FLI1: variants seen among roughly 807,000 people sequenced by gnomAD.
The protein encoded by FLI1 is Fli-1 proto-oncogene, ETS transcription factor.
FLI1 carries 13 observed loss-of-function variants against 53.1 expected under a neutral mutation model. The ratio of observed to expected loss-of-function variants is 0.24; its 90% CI spans 0.16 to 0.39. FLI1 has a LOEUF of 0.39. Among genes scored for constraint, FLI1 ranks in the 10% least tolerant of loss-of-function variants. The pLI is 1.00. For missense variants in FLI1, 424 were observed against 600.5 expected (o/e 0.71, Z 3.07); for synonymous variants, 244 against 236.7 (o/e 1.03, Z -0.28).
chr11:128,696,254 G>A (rs1222560869), intron 1 of FLI1, among the ~76,000 whole-genome samples: 1 of 152,146 alleles, frequency 6.6e-6, no homozygotes, highest in East Asian at 1.9e-4. Context: ...TAAGTTACCT[G>A]GCTAGGCTGA....
chr11:128,731,196 C>T (rs1048962642), intron 1 of FLI1, among the ~76,000 whole-genome samples: 3 of 152,246 alleles, frequency 2.0e-5, no homozygotes, highest in Admixed American at 6.5e-5. Context: ...ATAAGCCACA[C>T]GGTGACATGT....
chr11:128,787,958 C>T (rs981940100), intron 5 of FLI1, among the ~76,000 whole-genome samples: 2 of 151,810 alleles, frequency 1.3e-5, no homozygotes, highest in South Asian at 2.1e-4. Context: ...AGGTGCCCGC[C>T]ACCACGCCCA....
chr11:128,760,854 C>T (rs1941089120), intron 2 of FLI1, among the ~76,000 whole-genome samples: 1 of 152,072 alleles, frequency 6.6e-6, no homozygotes, highest in African/African-American at 2.4e-5. Context: ...CCTGTTGTAA[C>T]CTGAATCTGC....
chr11:128,715,007 C>T (rs1938953004), intron 1 of FLI1, among the ~76,000 whole-genome samples: 1 of 152,092 alleles, frequency 6.6e-6, no homozygotes, highest in Non-Finnish European at 1.5e-5. Context: ...GCACCCGGCC[C>T]TTGAAGGCAT....
At chr11:128,762,698 C>T (rs1941168967) in intron 2 of FLI1, among the ~76,000 whole-genome samples, 1 of 152,200 alleles carries the variant, frequency 6.6e-6, no homozygotes, top group Non-Finnish European at 1.5e-5. Flanking sequence ...TGGCTCATGC[C>T]TGTAATCCCA....
chr11:128,760,385 C>G (rs1941059299), intron 2 of FLI1, among the ~76,000 whole-genome samples: 1 of 152,028 alleles, frequency 6.6e-6, no homozygotes, highest in Non-Finnish European at 1.5e-5. Flanking sequence ...GTGTGTCATG[C>G]TTTTGCACCA....
intron 5 of FLI1, among the ~76,000 whole-genome samples, chr11:128,799,040 A>ATTTTTT (rs1360505352): frequency 4.6e-5 from 6 of 131,450 alleles, no homozygotes; most frequent in African/African-American, 1.1e-4. Flanking sequence ...TATTATTATT[A>ATTTTTT]TTATTATTAT....
chr11:128,800,110 T>C (rs968765742), intron 5 of FLI1, among the ~76,000 whole-genome samples: 1 of 152,152 alleles, frequency 6.6e-6, no homozygotes, highest in Non-Finnish European at 1.5e-5. Flanking sequence ...TGAGCATTTC[T>C]CCTGTGCATC....
At chr11:128,792,686 C>T (rs2135888940) in intron 5 of FLI1, among the ~76,000 whole-genome samples, 1 of 151,954 alleles carries the variant, frequency 6.6e-6, no homozygotes, top group East Asian at 1.9e-4. Context: ...CATTGTTATG[C>T]TTTATAATTT....
intron 5 of FLI1, among the ~76,000 whole-genome samples, chr11:128,791,681 G>A (rs1288735516): frequency 6.6e-6 from 1 of 152,226 alleles, no homozygotes; most frequent in Non-Finnish European, 1.5e-5. Context: ...AGCTGCTGGT[G>A]TGGCATTGCC....
chr11:128,758,061 C>T, intron 1 of FLI1, 54 bp from the exon 2 acceptor site: 6 of 1,506,188 alleles, frequency 4.0e-6, no homozygotes, highest in Non-Finnish European at 5.4e-6. Context: ...AAGAGTGTCA[C>T]TTGCTTGGGT....
chr11:128,696,672 A>T lies in FLI1; in HGVS notation c.18+2396A>T, dbSNP rs182351141. 1.7e-4 allele frequency among the ~76,000 whole-genome samples: 26 copies of T among 152,286 alleles called. No homozygotes were observed. The East Asian group carries it at 4.8e-3, about 28-fold the overall frequency. On this transcript the variant is annotated intron_variant, in intron 1 of 8. Transcript: ENST00000527786. ...CCCTACACTGATCGAGGTTGACGAC[A>T]CTCTAGAGAGAATCTAATTTGTGTA... is the stretch of plus-strand genomic sequence containing the variant.
intron 5 of FLI1, among the ~76,000 whole-genome samples, chr11:128,793,129 CAAA>C (rs1432616831): frequency 2.6e-5 from 4 of 151,726 alleles, no homozygotes; most frequent in Admixed American, 6.6e-5. Context: ...AAAAACAAAG[CAAA>C]ATAAGAGTGG....
chr11:128,810,861 C>G lies in FLI1; in HGVS notation c.1232C>G (p.Thr411Ser), dbSNP rs768685480. ...CCCCATCCATCCTCCATGCCTGTCACTTCCTCCAGCTTCTTTGGAGCCGCA... is the reference window on the plus strand; with the variant it reads ...CCCCATCCATCCTCCATGCCTGTCAGTTCCTCCAGCTTCTTTGGAGCCGCA... ...VPPHPSSMPVTSSSFFGAASQ... is the reference protein window; with the variant it reads ...VPPHPSSMPVSSSSFFGAASQ... Residue 411 changes from threonine (T) to serine (S), a missense_variant, in exon 9 of 9, where the codon ACT becomes AGT. Thr to Ser is a moderately conservative substitution (Grantham distance 58, BLOSUM62 1). Coordinates refer to ENST00000527786, the MANE Select transcript of FLI1 (RefSeq NM_002017.5). This position sits in a 1 kb window ranked among gnomAD's most constrained non-coding sequence, Gnocchi z 6.6. 3 of 1,614,088 alleles carry G rather than the reference C, an allele frequency of 1.9e-6. No homozygotes were observed. The highest frequency in any genetic ancestry group is 3.3e-5 in the Admixed American group (2 of 60,028).
In FLI1 at chr11:128,811,188, G is replaced by A. The variant is rs1441848548; in HGVS notation, c.*200G>A. ...TTTGCTTCCTCTACCTGAACAAAGA[G>A]ATGAATAATTCCATGGGCCAGTATG... On this transcript the variant is annotated 3_prime_UTR_variant, in exon 9 of 9. Transcript: ENST00000527786. 5.1e-6 allele frequency: 3 copies of A among 589,248 alleles called. No individual in the cohort carries two copies. Among genetic ancestry groups the A allele is most frequent in the Admixed American group, 3.2e-5 (1 of 31,320 alleles). The allele number at this position is 589,248 out of a possible 1,614,324, so 36.5% of individuals were successfully genotyped here.
intron 1 of FLI1, among the ~76,000 whole-genome samples, chr11:128,744,404 G>A (rs1565478192): frequency 6.6e-6 from 1 of 152,186 alleles, no homozygotes; most frequent in Non-Finnish European, 1.5e-5. Flanking sequence ...TGCCTTTTCT[G>A]TACTATAATT....
chr11:128,762,553 G>A (rs1941163046), intron 2 of FLI1, among the ~76,000 whole-genome samples: 1 of 152,200 alleles, frequency 6.6e-6, no homozygotes, highest in Admixed American at 6.5e-5. Flanking sequence ...ATGCTGAAAT[G>A]ATCTTCTTTT....
intron 4 of FLI1, among the ~76,000 whole-genome samples, chr11:128,781,057 C>T (rs526091): frequency 0.25 from 37,843 of 152,080 alleles, 7,392 homozygotes; most frequent in African/African-American, 0.54. Flanking sequence ...CAACAAATTG[C>T]TTTTTCAAAG....
At chr11:128,755,012 C>A (rs1940806787) in intron 1 of FLI1, among the ~76,000 whole-genome samples, 1 of 152,222 alleles carries the variant, frequency 6.6e-6, no homozygotes, top group Non-Finnish European at 1.5e-5. Flanking sequence ...GTACCACTCA[C>A]TTCCTTAAGA....
Sources: allele counts gnomAD v4.1 joint callset (sites outside exome capture counted in the v4.1 genomes callset), GRCh38; gene constraint gnomAD v4.1.1; non-coding constraint Gnocchi (gnomAD v3.1); transcripts MANE v1.5; gene names NCBI Gene and HGNC (gene_info 2026-07-23, HGNC 2026-07-21).